Variants in PSMD9 observed in about 807,000 individuals in gnomAD.
The protein encoded by PSMD9 is 26S proteasome non-ATPase regulatory subunit 9.
Under a neutral mutation model 25.9 loss-of-function variants are expected in PSMD9, and 26 were observed. That is an observed-to-expected ratio of 1.00 (90% CI 0.73 to 1.39). PSMD9 has a LOEUF of 1.39. Ranked by LOEUF, PSMD9 falls within the 40% of genes most tolerant of loss-of-function variation. The pLI, the probability that PSMD9 is intolerant of heterozygous loss-of-function variation, is 0.00. For missense variants in PSMD9, 303 were observed against 299.3 expected (o/e 1.01, Z -0.09); for synonymous variants, 110 against 114.5 (o/e 0.96, Z 0.25).
chr12:121,900,939 C>T (rs1040779003), intron 3 of PSMD9, among the ~76,000 whole-genome samples: 2 of 145,994 alleles, frequency 1.4e-5, no homozygotes, highest in Admixed American at 7.0e-5. Context: ...GAGCGGAGAT[C>T]GTGCCACTAC....
chr12:121,902,928 T>C, intron 3 of PSMD9, 78 bp from the exon 4 acceptor site: 1 of 1,142,700 alleles, frequency 8.8e-7, no homozygotes, highest in Non-Finnish European at 1.3e-6. Context: ...TGGCATTAAA[T>C]TGGGTATTGA....
chr12:121,909,480 AT>A lies in PSMD9; in HGVS notation c.556-6363del, dbSNP rs542593947. ...AGGTGTGCACCACCACACCTGGCTA[AT>A]TTTTTTTTTTTTCATTTTTTGTAGA... On this transcript the variant is annotated intron_variant, in intron 4 of 5. Coordinates refer to ENST00000541212, the MANE Select transcript of PSMD9 (RefSeq NM_002813.7). 1.8e-3 allele frequency among the ~76,000 whole-genome samples: 253 copies of A among 142,486 alleles called. 1 individual carries two copies. The highest frequency in any genetic ancestry group is 2.8e-3 in the Non-Finnish European group (178 of 64,642). The allele number at this position is 142,486 out of a possible 152,430, so 93.5% of individuals were successfully genotyped here.
rs182099385 is a variant in PSMD9, at chr12:121,913,988, C to T, written c.556-1868C>T. On this transcript the variant is annotated intron_variant, in intron 4 of 5. Transcript: ENST00000541212. ...AGTCACAGCTCACTGCAGCCTTGACCTCCCTTGAGCAATCCTCCTGCCTCA... is the reference window on the plus strand; with the variant it reads ...AGTCACAGCTCACTGCAGCCTTGACTTCCCTTGAGCAATCCTCCTGCCTCA... Among the ~76,000 whole-genome samples the T allele has an allele frequency of 5.3e-5, 8 of 152,004 alleles. No homozygotes were observed. In the East Asian group the frequency reaches 1.4e-3, roughly 26 times the overall value.
intron 1 of PSMD9, among the ~76,000 whole-genome samples, chr12:121,890,604 A>T (rs1032066639): frequency 6.6e-5 from 10 of 152,018 alleles, no homozygotes; most frequent in African/African-American, 2.2e-4. Context: ...AGTAGCTGAG[A>T]CTGCAGGTAC....
intron 1 of PSMD9, among the ~76,000 whole-genome samples, chr12:121,891,587 G>C (rs1201164261): frequency 2.7e-5 from 4 of 147,960 alleles, no homozygotes; most frequent in Non-Finnish European, 6.0e-5. Flanking sequence ...GTGACAGAGC[G>C]AGACTCCGTC....
chr12:121,891,589 G>A, intron 1 of PSMD9, among the ~76,000 whole-genome samples: 1 of 147,026 alleles, frequency 6.8e-6, no homozygotes, highest in Non-Finnish European at 1.5e-5. Flanking sequence ...GACAGAGCGA[G>A]ACTCCGTCTC....
At chr12:121,915,554 C>T (rs1178524884) in intron 4 of PSMD9, 14 of 340,080 alleles carry the variant, frequency 4.1e-5, no homozygotes, top group Non-Finnish European at 7.0e-5. Flanking sequence ...GGATTACAGG[C>T]ATTTGTATGT....
chr12:121,909,332 G>A (rs917369068), intron 4 of PSMD9, among the ~76,000 whole-genome samples: 1 of 149,716 alleles, frequency 6.7e-6, no homozygotes, highest in Admixed American at 6.6e-5. Context: ...TTTTTTTTAG[G>A]ACAGGGTCTC....
chr12:121,906,070 G>A (rs1479938516), intron 4 of PSMD9, among the ~76,000 whole-genome samples: 4 of 151,940 alleles, frequency 2.6e-5, no homozygotes, highest in Non-Finnish European at 4.4e-5. Context: ...TGTGAGAAGA[G>A]CTGCTGGTTT....
At chr12:121,896,976 TAC>T (rs1304308195) in intron 2 of PSMD9, among the ~76,000 whole-genome samples, 1 of 142,396 alleles carries the variant, frequency 7.0e-6, no homozygotes, top group African/African-American at 2.5e-5. Context: ...TGTAAATATA[TAC>T]ACACATACAT....
chr12:121,905,241 A>G (rs1202277720), intron 4 of PSMD9, among the ~76,000 whole-genome samples: 2 of 142,656 alleles, frequency 1.4e-5, no homozygotes, highest in African/African-American at 2.6e-5. Flanking sequence ...TTTTTTTTAG[A>G]TGGAGTCTTG....
intron 4 of PSMD9, chr12:121,910,970 T>C (rs1379025630): frequency 2.2e-6 from 1 of 456,534 alleles, no homozygotes; most frequent in South Asian, 1.5e-5. Flanking sequence ...CTACTTTCTG[T>C]CTCTATGAAT....
chr12:121,888,830 C>A lies in PSMD9; in HGVS notation c.-27C>A. The stretch of plus-strand genomic sequence containing the variant: ...GTCGTCCCTAGCCCGGGAGCCGGGT[C>A]TCTGGAGTCGCGGCCCGGGGTTCAC... On this transcript the variant is annotated 5_prime_UTR_variant, in exon 1 of 6. Coordinates refer to ENST00000541212, the MANE Select transcript of PSMD9 (RefSeq NM_002813.7). 1 of 1,593,560 alleles carries A rather than the reference C, an allele frequency of 6.3e-7. No individual in the cohort carries two copies. The highest frequency in any genetic ancestry group is 1.1e-5 in the South Asian group (1 of 88,238).
At chr12:121,910,083 C>CT (rs34940246) in intron 4 of PSMD9, among the ~76,000 whole-genome samples, 10,392 of 94,962 alleles carry the variant, frequency 0.11, 1,545 homozygotes, top group East Asian at 0.24. Context: ...TAGGAAATGA[C>CT]TTTTTTTTTT....
chr12:121,899,847 T>C lies in PSMD9; in HGVS notation c.453+2T>C. ...CCCGGCTCCCCAGCCAGCATCGCGG[T>C]AATCCAGGGGTTGGCCACTCAAGTC... On this transcript the variant is annotated splice_donor_variant, in intron 3 of 5. Coordinates refer to ENST00000541212, the MANE Select transcript of PSMD9 (RefSeq NM_002813.7). LOFTEE classifies it high-confidence loss of function. The C allele has an allele frequency of 6.2e-7, 1 of 1,613,760 alleles. No individual in the cohort carries two copies. Among genetic ancestry groups the C allele is most frequent in the Non-Finnish European group, 8.5e-7 (1 of 1,179,818 alleles).
At chr12:121,901,041 T>G (rs960088293) in intron 3 of PSMD9, among the ~76,000 whole-genome samples, 1 of 149,888 alleles carries the variant, frequency 6.7e-6, no homozygotes, top group African/African-American at 2.5e-5. Flanking sequence ...CGTAGGTTGG[T>G]CTCCATCTCC....
At position 121,888,821 on chromosome 12, in the gene PSMD9, G is replaced by T; in HGVS notation, c.-36G>T. On this transcript the variant is annotated 5_prime_UTR_variant, in exon 1 of 6. Coordinates refer to ENST00000541212, the MANE Select transcript of PSMD9 (RefSeq NM_002813.7). ...GACTGGGGCGTCGTCCCTAGCCCGGGAGCCGGGTCTCTGGAGTCGCGGCCC... is the reference window on the plus strand; with the variant it reads ...GACTGGGGCGTCGTCCCTAGCCCGGTAGCCGGGTCTCTGGAGTCGCGGCCC... The T allele has an allele frequency of 6.3e-7, 1 of 1,587,506 alleles. No homozygotes were observed. The highest frequency in any genetic ancestry group is 1.1e-5 in the South Asian group (1 of 87,670).
At chr12:121,898,220 A>G (rs1004307313) in intron 2 of PSMD9, 1 of 152,196 alleles carries the variant, frequency 6.6e-6, no homozygotes, top group Non-Finnish European at 1.5e-5. Context: ...GTGGCAGAGG[A>G]GGCAGGTCAG....
At chr12:121,906,697 C>T (rs1879564844) in intron 4 of PSMD9, among the ~76,000 whole-genome samples, 1 of 151,730 alleles carries the variant, frequency 6.6e-6, no homozygotes, top group Non-Finnish European at 1.5e-5. Flanking sequence ...GCCTGTAGTC[C>T]CAGCTACTTG....
Sources: gnomAD v4.1 joint callset for allele counts (sites outside exome capture counted in the v4.1 genomes callset) on GRCh38, gnomAD v4.1.1 for gene constraint, MANE v1.5 for transcripts, NCBI Gene and HGNC (gene_info 2026-07-23, HGNC 2026-07-21) for gene names.